Variants in MB21D2 observed in about 807,000 individuals in gnomAD.
MB21D2 encodes nucleotidyltransferase MB21D2.
MB21D2 carries 9 observed loss-of-function variants against 33.3 expected under a neutral mutation model. The ratio of observed to expected loss-of-function variants is 0.27; its 90% CI spans 0.16 to 0.47. The LOEUF is 0.47. MB21D2 is among the 20% of genes least tolerant of loss of function. The pLI is 0.99. For synonymous variants in MB21D2, 241 were observed against 236.3 expected (o/e 1.02, Z -0.18); for missense variants, 540 against 624.6 (o/e 0.86, Z 1.44).
chr3:192,816,956 C>A lies in MB21D2; in HGVS notation c.212-17306G>T, dbSNP rs149534238. Among the ~76,000 whole-genome samples the A allele has an allele frequency of 1.7e-3, 260 of 152,172 alleles. 2 individuals carry two copies. Among genetic ancestry groups the A allele is most frequent in the African/African-American group, 5.9e-3 (244 of 41,534 alleles). ...TGAAACAGTTACATAAAGCTCCAAGCAGAGTTTCTGGAACTTTGCAATCCT... is the reference window on the plus strand; with the variant it reads ...TGAAACAGTTACATAAAGCTCCAAGAAGAGTTTCTGGAACTTTGCAATCCT... On this transcript the variant is annotated intron_variant, in intron 1 of 1. Coordinates refer to ENST00000392452, the MANE Select transcript of MB21D2 (RefSeq NM_178496.4).
In MB21D2 at chr3:192,879,462, G is replaced by A. The variant is rs73064229; in HGVS notation, c.211+38168C>T. On this transcript the variant is annotated intron_variant, in intron 1 of 1. Coordinates refer to ENST00000392452, the MANE Select transcript of MB21D2 (RefSeq NM_178496.4). ...AATGCGGTGACTAAAACAAACGCCC[G>A]CTGGGCCTCAAGGCCTGAACTGCGT... is the stretch of plus-strand genomic sequence containing the variant. Among the ~76,000 whole-genome samples, 216 of 152,366 alleles carry A rather than the reference G, an allele frequency of 1.4e-3. 1 individual carries two copies. Among genetic ancestry groups the A allele is most frequent in the African/African-American group, 5.0e-3 (207 of 41,578 alleles).
intron 1 of MB21D2, among the ~76,000 whole-genome samples, chr3:192,897,648 G>C (rs1714007381): frequency 6.6e-6 from 1 of 152,104 alleles, no homozygotes; most frequent in Admixed American, 6.6e-5. Context: ...TATGGGGGAG[G>C]GGTGGAATGA....
At chr3:192,810,777 G>A (rs1190446926) in intron 1 of MB21D2, among the ~76,000 whole-genome samples, 1 of 152,146 alleles carries the variant, frequency 6.6e-6, no homozygotes, top group Non-Finnish European at 1.5e-5. Context: ...TTTGTCTAAA[G>A]ACTTTTTAAG....
intron 1 of MB21D2, among the ~76,000 whole-genome samples, chr3:192,806,152 G>A (rs1404750164): frequency 6.6e-6 from 1 of 152,170 alleles, no homozygotes; most frequent in African/African-American, 2.4e-5. Flanking sequence ...CCCATGGAAT[G>A]AACAACCTGT....
chr3:192,834,833 A>G (rs1383037428), intron 1 of MB21D2, among the ~76,000 whole-genome samples: 1 of 129,730 alleles, frequency 7.7e-6, no homozygotes, highest in Non-Finnish European at 1.5e-5. Flanking sequence ...TTTTTTTGAG[A>G]CAGAGTCTTG....
Position 192,819,518 on chromosome 3 carries a change from C to T in MB21D2, c.212-19868G>A, listed in dbSNP as rs564080769. On this transcript the variant is annotated intron_variant, in intron 1 of 1. Transcript: ENST00000392452. The stretch of plus-strand genomic sequence containing the variant: ...CCACCCCCGCTTCGACCACTTGGAT[C>T]GGTTTTACTTATTGGGCTTCCTCTT... Among the ~76,000 whole-genome samples the T allele has an allele frequency of 5.3e-5, 8 of 152,218 alleles. 1 individual carries two copies. The South Asian group carries it at 1.2e-3, about 24-fold the overall frequency.
intron 1 of MB21D2, among the ~76,000 whole-genome samples, chr3:192,808,287 A>C (rs1170503237): frequency 6.6e-6 from 1 of 152,206 alleles, no homozygotes; most frequent in African/African-American, 2.4e-5. Flanking sequence ...ACGAATCAAC[A>C]TATGATTAGA....
intron 1 of MB21D2, among the ~76,000 whole-genome samples, chr3:192,845,319 T>C (rs147961111): frequency 1.5e-3 from 236 of 152,350 alleles, no homozygotes; most frequent in African/African-American, 5.3e-3. Flanking sequence ...AATGTACCAT[T>C]CCTAAGTCAG....
At chr3:192,804,436 C>G (rs1406993174) in intron 1 of MB21D2, among the ~76,000 whole-genome samples, 1 of 140,616 alleles carries the variant, frequency 7.1e-6, no homozygotes, top group African/African-American at 2.6e-5. Context: ...TACACACACA[C>G]ACACACACAC....
intron 1 of MB21D2, among the ~76,000 whole-genome samples, chr3:192,856,696 G>C (rs1230686447): frequency 1.3e-5 from 2 of 152,060 alleles, no homozygotes; most frequent in Non-Finnish European, 2.9e-5. Flanking sequence ...TGGACTACAG[G>C]TGCACTCCAC....
At chr3:192,864,472 A>G (rs1339490227) in intron 1 of MB21D2, among the ~76,000 whole-genome samples, 4 of 152,060 alleles carry the variant, frequency 2.6e-5, no homozygotes, top group African/African-American at 9.7e-5. Context: ...TGCCCTCCTA[A>G]AGAACTGGAA....
chr3:192,847,022 G>C (rs1471869212), intron 1 of MB21D2, among the ~76,000 whole-genome samples: 4 of 152,048 alleles, frequency 2.6e-5, no homozygotes, highest in Non-Finnish European at 4.4e-5. Context: ...GCCCAGTTGG[G>C]GGAAGACTCA....
At chr3:192,888,039 A>T (rs75412913) in intron 1 of MB21D2, among the ~76,000 whole-genome samples, 1 of 152,018 alleles carries the variant, frequency 6.6e-6, no homozygotes, top group Non-Finnish European at 1.5e-5. Flanking sequence ...TTTAAATTGC[A>T]TATCTGGGGA....
At chr3:192,898,971 A>G (rs1241108000) in intron 1 of MB21D2, among the ~76,000 whole-genome samples, 3 of 152,242 alleles carry the variant, frequency 2.0e-5, no homozygotes, top group Non-Finnish European at 4.4e-5. Context: ...TGAAAGGCCA[A>G]CGTGGTTGAA....
At chr3:192,815,566 G>A (rs545652472) in intron 1 of MB21D2, among the ~76,000 whole-genome samples, 2 of 152,292 alleles carry the variant, frequency 1.3e-5, no homozygotes, top group South Asian at 2.1e-4. Context: ...CAAGTTAGAG[G>A]AAGGAATTTA....
At chr3:192,867,006 T>C (rs1203526045) in intron 1 of MB21D2, among the ~76,000 whole-genome samples, 2 of 152,192 alleles carry the variant, frequency 1.3e-5, no homozygotes, top group Non-Finnish European at 2.9e-5. Context: ...TTCTCCCTTG[T>C]GCGCCTGCAT....
intron 1 of MB21D2, among the ~76,000 whole-genome samples, chr3:192,875,909 T>C (rs915374450): frequency 6.6e-5 from 10 of 152,148 alleles, no homozygotes; most frequent in African/African-American, 2.4e-4. Flanking sequence ...TAGAGGTTAC[T>C]AAACCAACAA....
At chr3:192,904,879 C>T (rs1459906262) in intron 1 of MB21D2, among the ~76,000 whole-genome samples, 2 of 152,226 alleles carry the variant, frequency 1.3e-5, no homozygotes, top group African/African-American at 4.8e-5. Flanking sequence ...ACCGTCCAGT[C>T]CCTGGGAGGC....
rs545693018 is a variant in MB21D2, at chr3:192,815,531, A to G, written c.212-15881T>C. 6.6e-5 allele frequency among the ~76,000 whole-genome samples: 10 copies of G among 152,368 alleles called. No individual in the cohort carries two copies. In the South Asian group the frequency reaches 2.1e-3, roughly 32 times the overall value. ...ATTTCAAAGCAGAAAGTTTAACTGCATGAAATCAGGAAAGGCAAAGCTGTC... is the reference window on the plus strand; with the variant it reads ...ATTTCAAAGCAGAAAGTTTAACTGCGTGAAATCAGGAAAGGCAAAGCTGTC... On this transcript the variant is annotated intron_variant, in intron 1 of 1. Coordinates refer to ENST00000392452, the MANE Select transcript of MB21D2 (RefSeq NM_178496.4).
Sources: allele counts gnomAD v4.1 joint callset (sites outside exome capture counted in the v4.1 genomes callset), GRCh38; gene constraint gnomAD v4.1.1; transcripts MANE v1.5; gene names NCBI Gene and HGNC (gene_info 2026-07-23, HGNC 2026-07-21).